Variants in PAK1 observed in about 807,000 individuals in gnomAD.
The protein encoded by PAK1 is serine/threonine-protein kinase PAK 1.
PAK1 carries 29 observed loss-of-function variants against 67.4 expected under a neutral mutation model. That is an observed-to-expected ratio of 0.43 (90% confidence interval 0.32 to 0.59). The LOEUF (loss-of-function observed/expected upper bound fraction) is 0.59, where lower values mean the gene tolerates loss of function less well. Ranked by LOEUF, PAK1 falls within the 20% of genes least tolerant of loss-of-function variation. The pLI, the probability that PAK1 is intolerant of heterozygous loss-of-function variation, is 0.07. For missense variants in PAK1, 337 were observed against 670.7 expected (o/e 0.50, Z 5.50); for synonymous variants, 223 against 237.4 (o/e 0.94, Z 0.56).
At chr11:77,391,614 C>T (rs1565655719) in intron 2 of PAK1, among the ~76,000 whole-genome samples, 1 of 152,184 alleles carries the variant, frequency 6.6e-6, no homozygotes, top group African/African-American at 2.4e-5. Context: ...TGGTACCAAA[C>T]AAAAGTCATC....
intron 1 of PAK1, among the ~76,000 whole-genome samples, chr11:77,457,122 T>G (rs1247296085): frequency 1.3e-5 from 2 of 152,144 alleles, no homozygotes; most frequent in African/African-American, 2.4e-5. Flanking sequence ...TCTGGCCAGA[T>G]CACAGTCAGG....
intron 2 of PAK1, among the ~76,000 whole-genome samples, chr11:77,385,581 C>T (rs1426785576): frequency 6.6e-6 from 1 of 152,150 alleles, no homozygotes; most frequent in Non-Finnish European, 1.5e-5. Context: ...CTTGGCTGGG[C>T]GCAGTGGCCC....
At chr11:77,387,394 A>G (rs942982347) in intron 2 of PAK1, among the ~76,000 whole-genome samples, 4 of 152,204 alleles carry the variant, frequency 2.6e-5, no homozygotes, top group African/African-American at 4.8e-5. Context: ...TAAAAGCACC[A>G]TAAGTGAGTC....
chr11:77,446,194 G>A (rs1956591195), intron 1 of PAK1, among the ~76,000 whole-genome samples: 1 of 152,166 alleles, frequency 6.6e-6, no homozygotes. Flanking sequence ...ATGCTAGGCT[G>A]TGCTGGCCTA....
chr11:77,516,278 G>A, the PAK1 span, among the ~76,000 whole-genome samples: 1 of 152,150 alleles, frequency 6.6e-6, no homozygotes, highest in Non-Finnish European at 1.5e-5. Flanking sequence ...TGAACCTTAG[G>A]TGTAATGAAG....
intron 14 of PAK1, among the ~76,000 whole-genome samples, chr11:77,330,878 C>G (rs962683232): frequency 1.3e-4 from 20 of 152,180 alleles, no homozygotes; most frequent in African/African-American, 4.8e-4. Flanking sequence ...ATTTTTGCAA[C>G]CTACTCATCT....
At chr11:77,343,986 A>T in intron 9 of PAK1, 55 bp from the exon 10 acceptor site, 1 of 1,135,264 alleles carries the variant, frequency 8.8e-7, no homozygotes, top group South Asian at 1.2e-5. Flanking sequence ...TTTATTGAGC[A>T]CCTGCTAAGT....
At chr11:77,447,930 C>A (rs181891880) in intron 1 of PAK1, among the ~76,000 whole-genome samples, 20 of 152,252 alleles carry the variant, frequency 1.3e-4, no homozygotes, top group African/African-American at 4.8e-4. Flanking sequence ...ATGAGAGTAC[C>A]ACAGCTATTT....
At chr11:77,427,017 T>C (rs1592429935) in intron 1 of PAK1, among the ~76,000 whole-genome samples, 1 of 151,828 alleles carries the variant, frequency 6.6e-6, no homozygotes, top group African/African-American at 2.4e-5. Flanking sequence ...GCAAATGGGG[T>C]TGGTAGTGGG....
chr11:77,376,126 C>G (rs1056687796), intron 4 of PAK1, among the ~76,000 whole-genome samples: 1 of 152,160 alleles, frequency 6.6e-6, no homozygotes, highest in Non-Finnish European at 1.5e-5. Context: ...TGCACTACCC[C>G]CAACTTTACG....
intron 1 of PAK1, among the ~76,000 whole-genome samples, chr11:77,436,168 T>C (rs185351081): frequency 1.3e-3 from 203 of 152,264 alleles, no homozygotes; most frequent in Non-Finnish European, 2.3e-3. Context: ...CAGTTCCAGG[T>C]TGGCAGGGAG....
intron 1 of PAK1, among the ~76,000 whole-genome samples, chr11:77,459,693 T>C (rs202088985): frequency 2.0e-4 from 18 of 91,800 alleles, no homozygotes; most frequent in South Asian, 5.0e-4. Context: ...TCTTCTTCTT[T>C]TTTTTTTTTT....
chr11:77,515,003 C>T, the PAK1 span: 5 of 152,248 alleles, frequency 3.3e-5, no homozygotes, highest in African/African-American at 1.2e-4. Context: ...GAGAAAAGTC[C>T]TTCTAATTAG....
At chr11:77,517,608 G>C in the PAK1 span, among the ~76,000 whole-genome samples, 11 of 152,316 alleles carry the variant, frequency 7.2e-5, no homozygotes, top group African/African-American at 2.6e-4. Flanking sequence ...GTGTGTGTAT[G>C]TGGGGAGGGA....
At chr11:77,507,268 C>T in the PAK1 span, among the ~76,000 whole-genome samples, 2 of 152,056 alleles carry the variant, frequency 1.3e-5, no homozygotes, top group Admixed American at 6.6e-5. Flanking sequence ...CAACCAGGGG[C>T]CAGGGGGGCT....
intron 1 of PAK1, among the ~76,000 whole-genome samples, chr11:77,443,139 A>G (rs1031441745): frequency 2.6e-5 from 4 of 152,030 alleles, no homozygotes; most frequent in Admixed American, 2.0e-4. Flanking sequence ...CATGGCCAAC[A>G]TGGTAAAACC....
At chr11:77,409,462 G>A (rs982236915) in intron 1 of PAK1, among the ~76,000 whole-genome samples, 1 of 151,950 alleles carries the variant, frequency 6.6e-6, no homozygotes, top group Admixed American at 6.6e-5. Context: ...ATATCTAAAA[G>A]AAAGCAAATC....
chr11:77,417,504 C>T (rs1025661701), intron 1 of PAK1, among the ~76,000 whole-genome samples: 28 of 152,086 alleles, frequency 1.8e-4, no homozygotes, highest in South Asian at 8.3e-4. Context: ...AGGTGAAGCA[C>T]GGGGCATTTT....
the PAK1 span, among the ~76,000 whole-genome samples, chr11:77,522,348 G>C: frequency 6.6e-6 from 1 of 152,120 alleles, no homozygotes; most frequent in Non-Finnish European, 1.5e-5. Flanking sequence ...ACAAGGGTGT[G>C]AGATCAGGTT....
Sources: gnomAD v4.1 joint callset for allele counts (sites outside exome capture counted in the v4.1 genomes callset) on GRCh38, gnomAD v4.1.1 for gene constraint, MANE v1.5 for transcripts, NCBI Gene and HGNC (gene_info 2026-07-23, HGNC 2026-07-21) for gene names.